TENM3: variants seen among roughly 807,000 people sequenced by gnomAD.
The protein encoded by TENM3 is teneurin transmembrane protein 3, also known as teneurin-3.
A neutral mutation model predicts 255.1 loss-of-function variants in TENM3; 63 were observed. The observed-to-expected ratio is 0.25, with a 90% CI of 0.20 to 0.30. The LOEUF (loss-of-function observed/expected upper bound fraction) is 0.30. Among genes scored for constraint, TENM3 ranks in the 10% least tolerant of loss-of-function variants. TENM3 has a pLI of 1.00. For missense variants in TENM3, 2,929 were observed against 3,461.1 expected, an observed-to-expected ratio of 0.85 and a Z score of 3.86; for synonymous variants, 1,306 against 1,322.3, an observed-to-expected ratio of 0.99 and a Z score of 0.27.
chr4:182,578,554 C>G (rs1210035964), intron 3 of TENM3, among the ~76,000 whole-genome samples: 1 of 152,070 alleles, frequency 6.6e-6, no homozygotes, highest in Non-Finnish European at 1.5e-5. Context: ...TCTCTCAGCT[C>G]ACATTCTTAA....
chr4:182,589,218 A>C (rs1746349439), intron 3 of TENM3, among the ~76,000 whole-genome samples: 1 of 152,018 alleles, frequency 6.6e-6, no homozygotes, highest in African/African-American at 2.4e-5. Flanking sequence ...TTTTCTTTGA[A>C]GTACTCGTAT....
intron 12 of TENM3, among the ~76,000 whole-genome samples, chr4:182,699,599 T>C (rs1056362079): frequency 6.6e-6 from 1 of 152,182 alleles, no homozygotes; most frequent in East Asian, 1.9e-4. Flanking sequence ...AATATAGCCA[T>C]GTATTCATGC....
At chr4:182,243,040 G>A (rs79730241), upstream of TENM3, among the ~76,000 whole-genome samples, 5 of 152,320 alleles carry the variant, frequency 3.3e-5, no homozygotes, top group East Asian at 9.6e-4. Flanking sequence ...TGGTAGAGAG[G>A]CTACAATGAA....
intron 2 of TENM3, among the ~76,000 whole-genome samples, chr4:182,328,259 A>G (rs1293916138): frequency 6.6e-6 from 1 of 152,156 alleles, no homozygotes; most frequent in Non-Finnish European, 1.5e-5. Context: ...TCTGTCGCCC[A>G]GGCTGGAGTG....
intron 2 of TENM3, among the ~76,000 whole-genome samples, chr4:182,330,765 T>A (rs1311932675): frequency 6.6e-6 from 1 of 152,228 alleles, no homozygotes; most frequent in Admixed American, 6.5e-5. Flanking sequence ...CTCTACAGTG[T>A]ATATAGTTAA....
At chr4:182,507,253 T>C (rs939040891) in intron 3 of TENM3, among the ~76,000 whole-genome samples, 8 of 152,216 alleles carry the variant, frequency 5.3e-5, no homozygotes, top group African/African-American at 1.9e-4. Flanking sequence ...CCCTTTTTCT[T>C]CCATCATTAT....
chr4:181,555,317 G>C, the TENM3 span, among the ~76,000 whole-genome samples: 1 of 152,100 alleles, frequency 6.6e-6, no homozygotes, highest in South Asian at 2.1e-4. Context: ...ATCGAGTTCT[G>C]TCTCATTCGA....
At chr4:182,240,433 T>C (rs1339846065), upstream of TENM3, among the ~76,000 whole-genome samples, 2 of 152,216 alleles carry the variant, frequency 1.3e-5, no homozygotes, top group Admixed American at 6.5e-5. Context: ...ATTAATCTTT[T>C]TCTGGCTCAC....
intron 1 of TENM3, among the ~76,000 whole-genome samples, chr4:182,248,920 GA>G (rs1757821937): frequency 1.3e-5 from 2 of 152,176 alleles, no homozygotes; most frequent in African/African-American, 2.4e-5. Context: ...TAAAACCTAT[GA>G]AAAAGGTGCA....
chr4:182,284,238 C>T (rs1052647832), intron 1 of TENM3, among the ~76,000 whole-genome samples: 5 of 152,178 alleles, frequency 3.3e-5, no homozygotes, highest in African/African-American at 1.2e-4. Context: ...GAAATCGGAG[C>T]ATTGCCAGAC....
chr4:182,597,035 G>A (rs1345556322), intron 3 of TENM3, among the ~76,000 whole-genome samples: 1 of 152,170 alleles, frequency 6.6e-6, no homozygotes, highest in African/African-American at 2.4e-5. Flanking sequence ...TCTAGACCCT[G>A]TCCTTTTTCC....
chr4:182,346,515 G>A, intron 2 of TENM3, 136 bp from the exon 3 acceptor site: 1 of 854,564 alleles, frequency 1.2e-6, no homozygotes, highest in Non-Finnish European at 1.8e-6. Flanking sequence ...TACTGTAAAC[G>A]CCTGGTGCTG....
chr4:182,368,010 A>G (rs1766546211), intron 3 of TENM3, among the ~76,000 whole-genome samples: 1 of 152,346 alleles, frequency 6.6e-6, no homozygotes, highest in African/African-American at 2.4e-5. Flanking sequence ...CTGTACTCCA[A>G]TACCAGCTAA....
chr4:182,706,834 G>C lies in TENM3; in HGVS notation c.2222-7253G>C, dbSNP rs1758314534. Reference sequence around the variant, plus strand: ...CAGGTATGGTTGGGGTGCGCCTGTAGTCCCAGCTACTTGGGAGGCCGAGGT... The same window carrying C: ...CAGGTATGGTTGGGGTGCGCCTGTACTCCCAGCTACTTGGGAGGCCGAGGT... On this transcript the variant is annotated intron_variant, in intron 12 of 27. Coordinates refer to ENST00000511685, the MANE Select transcript of TENM3 (RefSeq NM_001080477.4). 3.3e-5 allele frequency among the ~76,000 whole-genome samples: 5 copies of C among 152,028 alleles called. No homozygotes were observed. In the South Asian group the frequency reaches 1.0e-3, roughly 32 times the overall value.
the TENM3 span, among the ~76,000 whole-genome samples, chr4:182,039,361 T>C: frequency 6.6e-6 from 1 of 152,268 alleles, no homozygotes; most frequent in African/African-American, 2.4e-5. Context: ...GTTCTCCCAC[T>C]ACCCCTTGAT....
chr4:182,080,726 T>C, the TENM3 span, among the ~76,000 whole-genome samples: 1 of 152,188 alleles, frequency 6.6e-6, no homozygotes, highest in Non-Finnish European at 1.5e-5. Context: ...GCATGGTGGC[T>C]CGCGCCCGTA....
intron 5 of TENM3, among the ~76,000 whole-genome samples, chr4:182,650,438 A>G (rs1450595515): frequency 1.3e-5 from 2 of 150,482 alleles, no homozygotes; most frequent in Non-Finnish European, 3.0e-5. Context: ...CAGGCATTGA[A>G]GAACTGGACT....
At chr4:182,544,076 C>T (rs1741171425) in intron 3 of TENM3, among the ~76,000 whole-genome samples, 1 of 152,040 alleles carries the variant, frequency 6.6e-6, no homozygotes, top group African/African-American at 2.4e-5. Context: ...TCAATGTTTC[C>T]TGACAAATAA....
the TENM3 span, among the ~76,000 whole-genome samples, chr4:181,529,483 T>C: frequency 6.6e-6 from 1 of 152,172 alleles, no homozygotes; most frequent in Non-Finnish European, 1.5e-5. Context: ...GTAATGTAAA[T>C]ACTACAGGCA....
Sources: gnomAD v4.1 joint callset for allele counts (sites outside exome capture counted in the v4.1 genomes callset) on GRCh38, gnomAD v4.1.1 for gene constraint, MANE v1.5 for transcripts, NCBI Gene and HGNC (gene_info 2026-07-23, HGNC 2026-07-21) for gene names.